The following RALGAPA1 variants were observed in gnomAD, a reference collection of about 807,000 sequenced individuals.
The protein encoded by RALGAPA1 is Ral GTPase activating protein catalytic subunit alpha 1.
Under a neutral mutation model 269.6 loss-of-function variants are expected in RALGAPA1, and 52 were observed. The ratio of observed to expected loss-of-function variants is 0.19; its 90% CI spans 0.15 to 0.24. RALGAPA1 has a LOEUF of 0.24. Ranked by LOEUF, RALGAPA1 falls within the 10% of genes least tolerant of loss-of-function variation. RALGAPA1 has a pLI of 1.00. For missense variants in RALGAPA1, 1,917 were observed against 3,013.9 expected (o/e 0.64, Z 8.52); for synonymous variants, 817 against 1,008.3 (o/e 0.81, Z 3.60).
intron 39 of RALGAPA1, among the ~76,000 whole-genome samples, chr14:35,554,363 T>C (rs1594547080): frequency 7.7e-6 from 1 of 129,212 alleles, no homozygotes; most frequent in Non-Finnish European, 1.6e-5. Flanking sequence ...TTTTTTTTTT[T>C]TGAGACGGAG....
intron 13 of RALGAPA1, among the ~76,000 whole-genome samples, chr14:35,725,773 G>A (rs1438967971): frequency 1.3e-5 from 2 of 151,832 alleles, no homozygotes; most frequent in South Asian, 2.1e-4. Context: ...GGCTGAGGTG[G>A]GCGAATCACT....
intron 39 of RALGAPA1, among the ~76,000 whole-genome samples, chr14:35,569,972 A>G (rs1293530380): frequency 6.6e-6 from 1 of 152,164 alleles, no homozygotes; most frequent in East Asian, 1.9e-4. Context: ...GTACTGATTA[A>G]AAGTATATAA....
intron 30 of RALGAPA1, among the ~76,000 whole-genome samples, chr14:35,652,301 A>G (rs2062880298): frequency 6.6e-6 from 1 of 152,096 alleles, no homozygotes; most frequent in Non-Finnish European, 1.5e-5. Flanking sequence ...TCAAAACAAC[A>G]AAAAACCACT....
intron 36 of RALGAPA1, among the ~76,000 whole-genome samples, chr14:35,603,093 T>C (rs188496369): frequency 9.9e-5 from 15 of 152,280 alleles, no homozygotes; most frequent in Admixed American, 8.5e-4. Context: ...TCCACTGATC[T>C]ATATGTCTAT....
chr14:35,729,758 TCA>T (rs1463557247), intron 12 of RALGAPA1, among the ~76,000 whole-genome samples: 1 of 152,158 alleles, frequency 6.6e-6, no homozygotes, highest in African/African-American at 2.4e-5. Flanking sequence ...GCAGAGATTC[TCA>T]CACTACCTGT....
At chr14:35,545,031 A>AAAAAAC (rs2054329419) in intron 41 of RALGAPA1, among the ~76,000 whole-genome samples, 1 of 152,208 alleles carries the variant, frequency 6.6e-6, no homozygotes, top group Non-Finnish European at 1.5e-5. Context: ...TCTGTCTCAA[A>AAAAAAC]AAAAACAAAA....
chr14:35,643,681 G>T (rs1339750435), intron 31 of RALGAPA1, among the ~76,000 whole-genome samples: 1 of 152,162 alleles, frequency 6.6e-6, no homozygotes, highest in Non-Finnish European at 1.5e-5. Flanking sequence ...GTACATATAT[G>T]CAAGGGAGTA....
Position 35,775,629 on chromosome 14 carries a change from T to C in RALGAPA1, c.217+6A>G, listed in dbSNP as rs1280452945. On this transcript the variant is annotated splice_donor_region_variant and intron_variant, in intron 2 of 41. Transcript: ENST00000680220. Reference sequence around the variant, plus strand: ...ACATACGCCAAGATATATGTTAGCATCTTACCTTTCTGTTTAAGACTAGCT... The same window carrying C: ...ACATACGCCAAGATATATGTTAGCACCTTACCTTTCTGTTTAAGACTAGCT... 6.4e-7 allele frequency: 1 copy of C among 1,566,082 alleles called. No homozygotes were observed. Among genetic ancestry groups the C allele is most frequent in the African/African-American group, 1.4e-5 (1 of 71,130 alleles).
At chr14:35,714,322 C>A (rs1166952973) in intron 16 of RALGAPA1, among the ~76,000 whole-genome samples, 1 of 152,136 alleles carries the variant, frequency 6.6e-6, no homozygotes, top group Non-Finnish European at 1.5e-5. Context: ...AAACAATAGC[C>A]ATCCTAGTGG....
chr14:35,781,048 C>A (rs2075389066), intron 1 of RALGAPA1, among the ~76,000 whole-genome samples: 1 of 151,778 alleles, frequency 6.6e-6, no homozygotes, highest in Non-Finnish European at 1.5e-5. Flanking sequence ...ATAGAGACCC[C>A]CCAAAAAAAA....
chr14:35,700,428 T>C, intron 16 of RALGAPA1, 126 bp from the exon 17 acceptor site: 1 of 648,764 alleles, frequency 1.5e-6, no homozygotes, highest in East Asian at 3.2e-5. Flanking sequence ...AATTATAAAT[T>C]AAAACATTTC....
At chr14:35,555,581 A>G (rs942674482) in intron 39 of RALGAPA1, among the ~76,000 whole-genome samples, 3 of 152,242 alleles carry the variant, frequency 2.0e-5, no homozygotes, top group Admixed American at 2.0e-4. Flanking sequence ...ACCTTGAAAG[A>G]GGTTATCCCA....
At position 35,619,572 on chromosome 14, in the gene RALGAPA1, T is replaced by G. The variant is rs925138605; in HGVS notation, c.6929+5789A>C. 9.2e-5 allele frequency among the ~76,000 whole-genome samples: 14 copies of G among 152,226 alleles called. 1 individual carries two copies. The South Asian group carries it at 2.9e-3, about 32-fold the overall frequency. On this transcript the variant is annotated intron_variant, in intron 35 of 41. Transcript: ENST00000680220. ...TCAATGAATCCAGGAGCTGGTTTTT[T>G]GAAAAGATCAACAAAATTCATAGAC...
chr14:35,724,288 G>T (rs1485234718), intron 14 of RALGAPA1, among the ~76,000 whole-genome samples: 1 of 151,872 alleles, frequency 6.6e-6, no homozygotes, highest in African/African-American at 2.4e-5. Context: ...ATAATTTTAG[G>T]TAAATGGCTA....
chr14:35,700,166 A>G lies in RALGAPA1; in HGVS notation c.2403T>C (p.Leu801=), dbSNP rs1290709175. 2 of 1,530,084 alleles carry G rather than the reference A, an allele frequency of 1.3e-6. No individual in the cohort carries two copies. The highest frequency in any genetic ancestry group is 4.9e-5 in the East Asian group (2 of 40,784). The allele number at this position is 1,530,084 out of a possible 1,614,324, so 94.8% of individuals were successfully genotyped here. Residue 801 remains leucine (L), a synonymous_variant, in exon 17 of 42, where the codon CTT becomes CTC. Coordinates refer to ENST00000680220, the MANE Select transcript of RALGAPA1 (RefSeq NM_001346249.2). ...DIVLTPLSDE[L]SDIDDAQILP... Reference sequence around the variant, plus strand: ...AATTAGCAGAGGTGGCACTACCTGAAAGCTCATCAGAAAGGGGAGTGAGAA... The same window carrying G: ...AATTAGCAGAGGTGGCACTACCTGAGAGCTCATCAGAAAGGGGAGTGAGAA...
chr14:35,624,191 CTA>C (rs2060843445), intron 35 of RALGAPA1, among the ~76,000 whole-genome samples: 1 of 139,512 alleles, frequency 7.2e-6, no homozygotes, highest in East Asian at 2.1e-4. Context: ...GGTAATATCC[CTA>C]TGATTCCAGT....
intron 35 of RALGAPA1, among the ~76,000 whole-genome samples, chr14:35,619,559 G>C (rs1487416140): frequency 1.3e-5 from 2 of 152,120 alleles, no homozygotes; most frequent in Admixed American, 1.3e-4. Context: ...AATGAATCCA[G>C]GAGCTGGTTT....
At chr14:35,736,584 T>C (rs148579390) in intron 12 of RALGAPA1, among the ~76,000 whole-genome samples, 18 of 152,278 alleles carry the variant, frequency 1.2e-4, no homozygotes, top group African/African-American at 4.1e-4. Context: ...GGATATGCTA[T>C]TCTGGAGGCC....
intron 26 of RALGAPA1, among the ~76,000 whole-genome samples, chr14:35,670,266 C>A (rs1001704902): frequency 6.6e-6 from 1 of 152,160 alleles, no homozygotes; most frequent in Non-Finnish European, 1.5e-5. Context: ...ACTCTTGCAG[C>A]TAAACAATGA....
Sources: allele counts gnomAD v4.1 joint callset (sites outside exome capture counted in the v4.1 genomes callset), GRCh38; gene constraint gnomAD v4.1.1; transcripts MANE v1.5; gene names NCBI Gene and HGNC (gene_info 2026-07-23, HGNC 2026-07-21).